The following ANKRD55 variants were observed in gnomAD, a reference collection of about 807,000 sequenced individuals.
The protein encoded by ANKRD55 is ankyrin repeat domain-containing protein 55.
A neutral mutation model predicts 60.6 loss-of-function variants in ANKRD55; 41 were observed. That is an observed-to-expected ratio of 0.68 (90% CI 0.53 to 0.88). ANKRD55 has a LOEUF of 0.88. ANKRD55 is among the 40% of genes least tolerant of loss of function. The probability of loss-of-function intolerance (pLI) is 0.00; values close to 1 mark genes in which losing one functional copy is unlikely to be tolerated. For missense variants in ANKRD55, 732 were observed against 767.6 expected (o/e 0.95, Z 0.55); for synonymous variants, 264 against 290.3 (o/e 0.91, Z 0.92).
At chr5:56,181,569 A>G (rs1400056905) in intron 3 of ANKRD55, among the ~76,000 whole-genome samples, 2 of 151,852 alleles carry the variant, frequency 1.3e-5, no homozygotes, top group Non-Finnish European at 2.9e-5. Flanking sequence ...AACAAACCCT[A>G]CTTGGTCATG....
rs70995774 is a variant in ANKRD55, at chr5:56,138,127, CTTTTTTT to C, written c.612+5667_612+5673del. Among the ~76,000 whole-genome samples, 42 of 129,844 alleles carry C rather than the reference CTTTTTTT, an allele frequency of 3.2e-4. No individual in the cohort carries two copies. The East Asian group carries it at 9.0e-3, about 28-fold the overall frequency. The allele number at this position is 129,844 out of a possible 152,430, so 85.2% of individuals were successfully genotyped here. Reference sequence around the variant, plus strand: ...GAAGACAGTTTGGTGGTTTCTTTTTCTTTTTTTTTTTTTTTTTTGAGACAGAGTCTTA... The same window carrying C: ...GAAGACAGTTTGGTGGTTTCTTTTTCTTTTTTTTTTTGAGACAGAGTCTTA... On this transcript the variant is annotated intron_variant, in intron 7 of 11. Coordinates refer to ENST00000341048, the MANE Select transcript of ANKRD55 (RefSeq NM_024669.3).
At chr5:56,121,587 G>T (rs1757062313) in intron 8 of ANKRD55, among the ~76,000 whole-genome samples, 2 of 151,750 alleles carry the variant, frequency 1.3e-5, no homozygotes, top group Admixed American at 1.3e-4. Flanking sequence ...TGGCCAGGCT[G>T]GTCTCGATCT....
At chr5:56,222,687 C>T (rs989167077) in intron 2 of ANKRD55, among the ~76,000 whole-genome samples, 4 of 152,108 alleles carry the variant, frequency 2.6e-5, no homozygotes, top group South Asian at 2.1e-4. Flanking sequence ...AACCAAGGCA[C>T]GAGAACTATG....
intron 6 of ANKRD55, among the ~76,000 whole-genome samples, chr5:56,149,321 TA>T (rs1435928057): frequency 3.3e-5 from 5 of 152,306 alleles, no homozygotes; most frequent in Non-Finnish European, 5.9e-5. Context: ...CGACACTCTT[TA>T]AAAACTCTCA....
intron 2 of ANKRD55, among the ~76,000 whole-genome samples, chr5:56,206,427 G>T (rs1220064470): frequency 6.6e-6 from 1 of 152,162 alleles, no homozygotes; most frequent in African/African-American, 2.4e-5. Flanking sequence ...CAGATAAGAA[G>T]AAAATATAAA....
chr5:56,113,600 A>C (rs1458253105), intron 9 of ANKRD55, among the ~76,000 whole-genome samples: 3 of 152,144 alleles, frequency 2.0e-5, no homozygotes, highest in African/African-American at 4.8e-5. Flanking sequence ...AACTGTGGTT[A>C]TGTAGAGCTA....
intron 2 of ANKRD55, chr5:56,193,317 C>T: frequency 4.0e-6 from 4 of 998,458 alleles, no homozygotes; most frequent in Non-Finnish European, 6.0e-6. Context: ...GCAGGAGATT[C>T]CAGAGATCCC....
intron 7 of ANKRD55, among the ~76,000 whole-genome samples, chr5:56,130,605 A>C (rs1320594651): frequency 6.6e-6 from 1 of 152,234 alleles, no homozygotes; most frequent in East Asian, 1.9e-4. Context: ...ATTATAAAGC[A>C]TGCCAAAAGG....
intron 6 of ANKRD55, among the ~76,000 whole-genome samples, chr5:56,146,086 A>T (rs933288932): frequency 2.0e-4 from 30 of 152,168 alleles, no homozygotes; most frequent in African/African-American, 7.2e-4. Flanking sequence ...CATTTGCTTC[A>T]TTGCAAATGA....
At chr5:56,223,807 C>T (rs1385652431) in intron 2 of ANKRD55, among the ~76,000 whole-genome samples, 1 of 152,120 alleles carries the variant, frequency 6.6e-6, no homozygotes, top group African/African-American at 2.4e-5. Flanking sequence ...TATATATGCA[C>T]CCAATACAGG....
intron 2 of ANKRD55, among the ~76,000 whole-genome samples, 198 bp downstream of exon 2, chr5:56,232,658 G>T (rs1250150259): frequency 6.6e-6 from 1 of 152,028 alleles, no homozygotes; most frequent in African/African-American, 2.4e-5. Flanking sequence ...CAAACTAGAA[G>T]TGAACATTTT....
intron 3 of ANKRD55, 137 bp downstream of exon 3, chr5:56,183,375 C>T (rs763174475): frequency 1.9e-4 from 210 of 1,121,262 alleles, no homozygotes; most frequent in Non-Finnish European, 2.4e-4. Context: ...TTATAAGAGG[C>T]GATGTGGTAC....
chr5:56,106,253 G>A (rs1756462275), intron 10 of ANKRD55, among the ~76,000 whole-genome samples: 1 of 151,986 alleles, frequency 6.6e-6, no homozygotes. Flanking sequence ...ATAGTGGGAT[G>A]ATTTATCCAA....
At chr5:56,105,085 C>CTT (rs755695417) in intron 10 of ANKRD55, among the ~76,000 whole-genome samples, 9 of 123,360 alleles carry the variant, frequency 7.3e-5, no homozygotes, top group South Asian at 2.6e-4. Flanking sequence ...TGGAGCTATT[C>CTT]TTTTTTTTTT....
At chr5:56,127,279 C>T in intron 7 of ANKRD55, 173 bp from the exon 8 acceptor site, 1 of 985,098 alleles carries the variant, frequency 1.0e-6, no homozygotes, top group Non-Finnish European at 1.2e-6. Context: ...TATCTAAGCT[C>T]TCCAACAAGT....
rs769839378 is a variant in ANKRD55, at chr5:56,150,289, CAT to C, written c.484-6362_484-6361del. On this transcript the variant is annotated intron_variant, in intron 6 of 11. Transcript: ENST00000341048. ...TTACATTAGTGATTGCAGATCACTA[CAT>C]GTCTCACTACTTCAACAATTGTAGC... 4.6e-5 allele frequency among the ~76,000 whole-genome samples: 7 copies of C among 152,304 alleles called. No individual in the cohort carries two copies. In the East Asian group the frequency reaches 7.7e-4, roughly 17 times the overall value.
chr5:56,138,861 AT>A (rs1426976544), intron 7 of ANKRD55, among the ~76,000 whole-genome samples: 1 of 152,192 alleles, frequency 6.6e-6, no homozygotes, highest in African/African-American at 2.4e-5. Flanking sequence ...AGCTCAGAGG[AT>A]TTTTAGGGCA....
At chr5:56,109,081 C>CACACA (rs1561249610) in intron 10 of ANKRD55, among the ~76,000 whole-genome samples, 6 of 135,428 alleles carry the variant, frequency 4.4e-5, no homozygotes, top group African/African-American at 1.6e-4. Context: ...ACACACACAC[C>CACACA]CCACCGCCCA....
chr5:56,116,778 G>T lies in ANKRD55; in HGVS notation c.802C>A (p.Pro268Thr). Reference protein sequence around the residue: ...LQALDVDDRTPLHWAAAAGKA... With the variant: ...LQALDVDDRTTLHWAAAAGKA... Reference sequence around the variant, plus strand: ...CCTGCAGCTGCAGCCCAGTGCAGAGGTGTCCTGGAGGGGCCATGTGAAAAA... The same window carrying T: ...CCTGCAGCTGCAGCCCAGTGCAGAGTTGTCCTGGAGGGGCCATGTGAAAAA... The change falls in exon 9 of 12, where the codon CCT becomes ACT. Residue 268 changes from proline to threonine, a missense_variant. Pro to Thr is a conservative substitution (Grantham distance 38). Around this residue, in one of 3 missense-constraint regions of ANKRD55, gnomAD observed 597 missense variants for 607.5 expected, o/e 0.98. Coordinates refer to ENST00000341048, the MANE Select transcript of ANKRD55 (RefSeq NM_024669.3). The T allele has an allele frequency of 3.7e-6, 6 of 1,603,870 alleles. No individual in the cohort carries two copies. Among genetic ancestry groups the T allele is most frequent in the Non-Finnish European group, 4.3e-6 (5 of 1,176,056 alleles).
Sources: gnomAD v4.1 joint callset for allele counts (sites outside exome capture counted in the v4.1 genomes callset) on GRCh38, gnomAD v4.1.1 for gene constraint, gnomAD v4.1.1 regional missense constraint, MANE v1.5 for transcripts, NCBI Gene and HGNC (gene_info 2026-07-23, HGNC 2026-07-21) for gene names.